Variants in CHODL observed in about 807,000 individuals in gnomAD.
The protein encoded by CHODL is chondrolectin, also known as transmembrane protein MT75.
In CHODL, 29 loss-of-function variants were observed where a neutral mutation model predicts 34.5. The ratio of observed to expected loss-of-function variants is 0.84; its 90% CI spans 0.63 to 1.15. CHODL has a LOEUF of 1.15. Among genes scored for constraint, CHODL ranks in the 50% most tolerant of loss-of-function variants. CHODL has a pLI of 0.00. For synonymous variants in CHODL, 125 were observed against 116.1 expected (o/e 1.08, Z -0.49); for missense variants, 332 against 332.5 (o/e 1.00, Z 0.01).
intron 2 of CHODL, among the ~76,000 whole-genome samples, chr21:18,077,905 C>T (rs1329609453): frequency 6.6e-6 from 1 of 152,092 alleles, no homozygotes; most frequent in African/African-American, 2.4e-5. Context: ...TTTTCCCAAC[C>T]CCTGCTAGGG....
At chr21:18,004,467 A>G (rs976514053) in intron 1 of CHODL, among the ~76,000 whole-genome samples, 2 of 152,386 alleles carry the variant, frequency 1.3e-5, no homozygotes, top group East Asian at 3.9e-4. Context: ...AGTGATGTGA[A>G]TATTTTGCTT....
At chr21:18,134,120 C>T (rs781733189) in intron 2 of CHODL, among the ~76,000 whole-genome samples, 9 of 152,070 alleles carry the variant, frequency 5.9e-5, no homozygotes, top group Non-Finnish European at 1.0e-4. Context: ...GGCAGGGAGG[C>T]GGGTATAACT....
At chr21:17,991,268 G>A (rs1393765892) in intron 1 of CHODL, among the ~76,000 whole-genome samples, 1 of 151,958 alleles carries the variant, frequency 6.6e-6, no homozygotes, top group Non-Finnish European at 1.5e-5. Flanking sequence ...ATAAATGCTG[G>A]GGTGCAGGTA....
intron 2 of CHODL, among the ~76,000 whole-genome samples, chr21:18,162,411 TTCTCTC>T (rs58978469): frequency 0.019 from 2,810 of 147,894 alleles, 59 homozygotes; most frequent in East Asian, 0.049. Flanking sequence ...ACGTGGTGTT[TTCTCTC>T]TCTCTCTCTC....
chr21:18,081,620 G>T (rs866747454), intron 2 of CHODL, among the ~76,000 whole-genome samples: 1 of 151,640 alleles, frequency 6.6e-6, no homozygotes, highest in African/African-American at 2.4e-5. Context: ...GGCGGAGGTT[G>T]CAGTGAGCTG....
chr21:18,239,282 C>T (rs958656261), intron 2 of CHODL, among the ~76,000 whole-genome samples: 3 of 151,954 alleles, frequency 2.0e-5, no homozygotes, highest in African/African-American at 7.3e-5. Flanking sequence ...CAGAGTATTC[C>T]TTATTATTTC....
chr21:18,128,117 G>A (rs11088666), intron 2 of CHODL, among the ~76,000 whole-genome samples: 5 of 150,420 alleles, frequency 3.3e-5, no homozygotes, highest in African/African-American at 7.4e-5. Flanking sequence ...TGGCTAACAC[G>A]GTGAAACCCC....
rs531755760 is a variant in CHODL, at chr21:18,005,844, A to G, written c.-144-22028A>G. 3.9e-5 allele frequency among the ~76,000 whole-genome samples: 6 copies of G among 152,256 alleles called. No individual in the cohort carries two copies. The South Asian group carries it at 1.2e-3, about 32-fold the overall frequency. On this transcript the variant is annotated intron_variant, in intron 1 of 6. Coordinates refer to the CHODL transcript ENST00000400127. Reference sequence around the variant, plus strand: ...TGGGGCCTGTGGGATGGAGGAAGGGAGAGCATCAGGCAGAATAGCTAATGG... The same window carrying G: ...TGGGGCCTGTGGGATGGAGGAAGGGGGAGCATCAGGCAGAATAGCTAATGG...
intron 3 of CHODL, among the ~76,000 whole-genome samples, 174 bp from the exon 4 acceptor site, chr21:18,260,026 T>C (rs1387218570): frequency 6.6e-6 from 1 of 152,224 alleles, no homozygotes; most frequent in Non-Finnish European, 1.5e-5. Flanking sequence ...AATGTTGACT[T>C]TATAGTTAGA....
intron 2 of CHODL, among the ~76,000 whole-genome samples, chr21:18,174,133 A>ATATATATATATATATATATATATCTTTG (rs1601104859): frequency 1.1e-4 from 2 of 17,838 alleles, no homozygotes; most frequent in Non-Finnish European, 2.5e-4. Context: ...GTATATATAT[A>ATATATATATATATATATATATATCTTTG]TATATATATA....
intron 1 of CHODL, among the ~76,000 whole-genome samples, chr21:18,019,598 T>TAA (rs1332102559): frequency 1.3e-5 from 2 of 152,304 alleles, no homozygotes; most frequent in East Asian, 3.9e-4. Context: ...TAATTATATA[T>TAA]AACTACTATA....
chr21:17,930,633 C>T (rs2063264996), intron 1 of CHODL, among the ~76,000 whole-genome samples: 1 of 152,178 alleles, frequency 6.6e-6, no homozygotes, highest in South Asian at 2.1e-4. Context: ...TGGTTTAGTC[C>T]CTCCAGGACT....
chr21:18,062,429 G>A (rs542920007), intron 2 of CHODL, among the ~76,000 whole-genome samples: 36 of 150,514 alleles, frequency 2.4e-4, no homozygotes, highest in African/African-American at 8.1e-4. Context: ...CGCTGGTCTC[G>A]AATTCCTGGG....
Position 17,961,009 on chromosome 21 carries a change from T to C in CHODL, c.-145+43609T>C, listed in dbSNP as rs542426621. Among the ~76,000 whole-genome samples, 38 of 152,358 alleles carry C rather than the reference T, an allele frequency of 2.5e-4. No homozygotes were observed. The South Asian group carries it at 7.9e-3, about 32-fold the overall frequency. Reference sequence around the variant, plus strand: ...ATAACATTCAAACTCAACTACATTATATTTGCTTCTTCGTCTCTCTCCTAA... The same window carrying C: ...ATAACATTCAAACTCAACTACATTACATTTGCTTCTTCGTCTCTCTCCTAA... On this transcript the variant is annotated intron_variant, in intron 1 of 6. Transcript: ENST00000400127.
At chr21:18,075,613 T>C (rs2064854992) in intron 2 of CHODL, among the ~76,000 whole-genome samples, 1 of 152,216 alleles carries the variant, frequency 6.6e-6, no homozygotes, top group Non-Finnish European at 1.5e-5. Context: ...GGAAAACTGG[T>C]ACATGGTATT....
chr21:18,243,339 G>C (rs140710913), upstream of CHODL, among the ~76,000 whole-genome samples: 1 of 152,150 alleles, frequency 6.6e-6, no homozygotes, highest in Non-Finnish European at 1.5e-5. Flanking sequence ...GCCTGGAGGC[G>C]TATCAGTTTT....
At chr21:18,108,621 C>G (rs550806425) in intron 2 of CHODL, among the ~76,000 whole-genome samples, 3 of 152,122 alleles carry the variant, frequency 2.0e-5, no homozygotes, top group South Asian at 2.1e-4. Context: ...GGCTGCCCCC[C>G]AGTACTGCCT....
intron 2 of CHODL, among the ~76,000 whole-genome samples, chr21:18,082,223 G>A (rs1296290678): frequency 6.6e-6 from 1 of 152,112 alleles, no homozygotes; most frequent in Non-Finnish European, 1.5e-5. Context: ...CTCCTGCTAT[G>A]CCATGGTAAG....
At chr21:18,113,470 G>C (rs1392439648) in intron 2 of CHODL, among the ~76,000 whole-genome samples, 1 of 152,214 alleles carries the variant, frequency 6.6e-6, no homozygotes, top group Non-Finnish European at 1.5e-5. Flanking sequence ...AGTTCTGCAA[G>C]CTGTACAGGA....
Sources: gnomAD v4.1 joint callset for allele counts (sites outside exome capture counted in the v4.1 genomes callset) on GRCh38, gnomAD v4.1.1 for gene constraint, MANE v1.5 for transcripts, NCBI Gene and HGNC (gene_info 2026-07-23, HGNC 2026-07-21) for gene names.